The following RAPGEF2 variants were observed in gnomAD, a reference collection of about 807,000 sequenced individuals.
The protein encoded by RAPGEF2 is PDZ domain containing guanine nucleotide exchange factor (GEF) 1.
Under a neutral mutation model 186.7 loss-of-function variants are expected in RAPGEF2, and 54 were observed. The ratio of observed to expected loss-of-function variants is 0.29; its 90% confidence interval spans 0.23 to 0.36. The LOEUF is 0.36. Among genes scored for constraint, RAPGEF2 ranks in the 10% least tolerant of loss-of-function variants. The pLI, the probability that RAPGEF2 is intolerant of heterozygous loss-of-function variation, is 1.00. For missense variants in RAPGEF2, 1,532 were observed against 2,045.0 expected (o/e 0.75, Z 4.84); for synonymous variants, 712 against 705.9 (o/e 1.01, Z -0.14).
At chr4:159,354,079 C>T (rs1170915343) in intron 28 of RAPGEF2, 33 bp downstream of exon 28, 3 of 1,507,872 alleles carry the variant, frequency 2.0e-6, no homozygotes, top group South Asian at 1.3e-5. Flanking sequence ...TTTGTCATGT[C>T]TGGATCATGT....
chr4:159,148,311 G>A (rs932084098), intron 1 of RAPGEF2, among the ~76,000 whole-genome samples: 1 of 152,022 alleles, frequency 6.6e-6, no homozygotes, highest in African/African-American at 2.4e-5. Flanking sequence ...TAGACAGTTA[G>A]GCAAGGTTTC....
intron 27 of RAPGEF2, 63 bp downstream of exon 27, chr4:159,352,973 C>A: frequency 7.3e-7 from 1 of 1,368,834 alleles, no homozygotes; most frequent in South Asian, 1.4e-5. Context: ...AATAATGAGT[C>A]TTTTCTTCCA....
chr4:159,339,045 C>T (rs1554040358), intron 18 of RAPGEF2, 69 bp from the exon 19 acceptor site: 4 of 1,531,616 alleles, frequency 2.6e-6, no homozygotes, highest in Admixed American at 4.0e-5. Context: ...TTTCTGATTA[C>T]TTTGCTTAAT....
At chr4:159,334,409 C>T (rs893539693) in intron 17 of RAPGEF2, among the ~76,000 whole-genome samples, 83 of 151,932 alleles carry the variant, frequency 5.5e-4, no homozygotes, top group Admixed American at 3.9e-4. Flanking sequence ...CCACCATGCT[C>T]GGCTAATTTT....
chr4:159,200,112 T>C (rs1240824617), intron 3 of RAPGEF2, among the ~76,000 whole-genome samples: 2 of 152,250 alleles, frequency 1.3e-5, no homozygotes, highest in East Asian at 3.9e-4. Flanking sequence ...TATCATTTAT[T>C]GAATAGCTTC....
At chr4:159,288,995 C>A (rs1760852211) in intron 7 of RAPGEF2, among the ~76,000 whole-genome samples, 1 of 152,172 alleles carries the variant, frequency 6.6e-6, no homozygotes, top group Non-Finnish European at 1.5e-5. Flanking sequence ...CAGCCATCAC[C>A]ATCTATTACA....
chr4:159,158,462 A>C (rs1418365756), intron 1 of RAPGEF2, among the ~76,000 whole-genome samples: 2 of 152,216 alleles, frequency 1.3e-5, no homozygotes, highest in Middle Eastern at 3.2e-3. Flanking sequence ...ATCTTTGTTG[A>C]GAGCACTTGT....
intron 10 of RAPGEF2, 75 bp downstream of exon 10, chr4:159,322,558 A>G (rs531709956): frequency 1.1e-5 from 15 of 1,317,644 alleles, no homozygotes; most frequent in South Asian, 4.0e-5. Context: ...CAAAACCCCA[A>G]TTCTTACTTT....
chr4:159,156,269 A>G (rs1258352359), intron 1 of RAPGEF2, among the ~76,000 whole-genome samples: 1 of 152,132 alleles, frequency 6.6e-6, no homozygotes, highest in Non-Finnish European at 1.5e-5. Flanking sequence ...TTAACATCCC[A>G]CAGCACTTGA....
chr4:159,201,554 A>G (rs1217664059), intron 3 of RAPGEF2, among the ~76,000 whole-genome samples: 1 of 152,218 alleles, frequency 6.6e-6, no homozygotes, highest in Admixed American at 6.5e-5. Flanking sequence ...GTTTTTTGGC[A>G]TAATCGTATA....
At chr4:159,277,653 G>A (rs1015482880) in intron 7 of RAPGEF2, among the ~76,000 whole-genome samples, 5 of 152,206 alleles carry the variant, frequency 3.3e-5, no homozygotes, top group Admixed American at 2.0e-4. Context: ...TTGTGGTTTT[G>A]ATTTGTGTTT....
intron 1 of RAPGEF2, among the ~76,000 whole-genome samples, chr4:159,165,693 C>G (rs1482797051): frequency 6.6e-6 from 1 of 152,134 alleles, no homozygotes; most frequent in African/African-American, 2.4e-5. Flanking sequence ...TCACAGTTCA[C>G]TGCAGTCTTG....
chr4:159,210,255 A>G (rs746520471), intron 3 of RAPGEF2, among the ~76,000 whole-genome samples: 2 of 152,216 alleles, frequency 1.3e-5, no homozygotes, highest in African/African-American at 2.4e-5. Flanking sequence ...GGTAGATGCT[A>G]TAGGTCTAAG....
At chr4:159,151,898 A>G (rs1157852550) in intron 1 of RAPGEF2, among the ~76,000 whole-genome samples, 3 of 152,228 alleles carry the variant, frequency 2.0e-5, no homozygotes, top group African/African-American at 4.8e-5. Flanking sequence ...TTCTTCATCT[A>G]GAGGGACAAG....
At chr4:159,296,906 A>G (rs560682370) in intron 7 of RAPGEF2, among the ~76,000 whole-genome samples, 1 of 152,198 alleles carries the variant, frequency 6.6e-6, no homozygotes, top group East Asian at 1.9e-4. Flanking sequence ...TCCTAAAAGT[A>G]TTTGCTTTGA....
chr4:159,164,968 CT>C (rs1317433743), intron 1 of RAPGEF2, among the ~76,000 whole-genome samples: 1 of 152,082 alleles, frequency 6.6e-6, no homozygotes, highest in African/African-American at 2.4e-5. Flanking sequence ...TGCTGAAAAT[CT>C]TTAACATACT....
At chr4:159,328,905 A>T (rs1191928374) in intron 11 of RAPGEF2, 2 of 152,242 alleles carry the variant, frequency 1.3e-5, no homozygotes, top group East Asian at 3.9e-4. Context: ...TAATATGAGC[A>T]ATATAAAAAG....
rs1011203228 is a variant in RAPGEF2 at position 159,322,207 on chromosome 4, T to G, written c.854-140T>G. The G allele has an allele frequency of 1.3e-5, 8 of 635,314 alleles. No homozygotes were observed. The African/African-American group carries it at 1.3e-4, about 10-fold the overall frequency. 39.4% of individuals were successfully genotyped at this position (635,314 alleles called of 1,614,324 possible). Reference sequence around the variant, plus strand: ...GTGTACCTGCAAGAAATTCAGCTGGTGCTAAAGATACTTGATATGTATTTT... The same window carrying G: ...GTGTACCTGCAAGAAATTCAGCTGGGGCTAAAGATACTTGATATGTATTTT... On this transcript the variant is annotated intron_variant, in intron 9 of 29. Transcript: ENST00000691494.
At position 159,309,964 on chromosome 4, in the gene RAPGEF2, C is replaced by G. The variant is rs573757636; in HGVS notation, c.676-4627C>G. ...ATAATTAAAATAAATTCCTGATAAA[C>G]TAAAGAGTTAGCAAACAATGTTTTA... On this transcript the variant is annotated intron_variant, in intron 8 of 29. Transcript: ENST00000691494. 8.0e-5 allele frequency among the ~76,000 whole-genome samples: 11 copies of G among 138,356 alleles called. No individual in the cohort carries two copies. The South Asian group carries it at 2.3e-3, about 29-fold the overall frequency. The allele number at this position is 138,356 out of a possible 152,430, so 90.8% of individuals were successfully genotyped here. A position where few individuals can be genotyped will look rare whatever the true frequency, so the allele number is the denominator to read the frequency against.
Sources: allele counts gnomAD v4.1 joint callset (sites outside exome capture counted in the v4.1 genomes callset), GRCh38; gene constraint gnomAD v4.1.1; transcripts MANE v1.5; gene names NCBI Gene and HGNC (gene_info 2026-07-23, HGNC 2026-07-21).